Variants in IFNGR2 observed in about 807,000 individuals in gnomAD.
The protein encoded by IFNGR2 is interferon gamma receptor 2.
A neutral mutation model predicts 41.1 loss-of-function variants in IFNGR2; 15 were observed. The observed-to-expected ratio is 0.37, with a 90% confidence interval of 0.24 to 0.56. IFNGR2 has a LOEUF of 0.56. Ranked by LOEUF, IFNGR2 falls within the 20% of genes least tolerant of loss-of-function variation. IFNGR2 has a pLI of 0.81. For synonymous variants in IFNGR2, 161 were observed against 171.6 expected, an observed-to-expected ratio of 0.94 and a Z score of 0.48; for missense variants, 362 against 415.7, an observed-to-expected ratio of 0.87 and a Z score of 1.12.
chr21:33,425,582 C>G (rs778738499), intron 3 of IFNGR2, among the ~76,000 whole-genome samples: 7 of 152,230 alleles, frequency 4.6e-5, no homozygotes, highest in Non-Finnish European at 1.0e-4. Context: ...TTAGCTGGGA[C>G]AAGGGAAGCT....
chr21:33,419,762 GACTT>G (rs376935886), intron 2 of IFNGR2, among the ~76,000 whole-genome samples: 8 of 152,264 alleles, frequency 5.3e-5, no homozygotes, highest in Middle Eastern at 3.4e-3. Context: ...AAAGGGGATG[GACTT>G]ACTTAATGTT....
chr21:33,436,849 C>T lies in IFNGR2; in HGVS notation c.901C>T (p.Pro301Ser). 1.2e-6 allele frequency: 2 copies of T among 1,614,046 alleles called. No homozygotes were observed. The highest frequency in any genetic ancestry group is 2.7e-5 in the African/African-American group (2 of 75,062). Residue 301 changes from proline to serine, a missense_variant, in exon 7 of 7, where the codon CCC becomes TCC. Transcript: ENST00000290219. ...IEEYLKDPTQ[P>S]ILEALDKDSS... is the part of the protein sequence containing the mutation. Reference sequence around the variant, plus strand: ...CAAGTATTTAAAAGACCCAACTCAGCCCATCTTAGAGGCCTTGGACAAGGA... The same window carrying T: ...CAAGTATTTAAAAGACCCAACTCAGTCCATCTTAGAGGCCTTGGACAAGGA...
intron 2 of IFNGR2, among the ~76,000 whole-genome samples, chr21:33,420,023 G>C (rs1475204975): frequency 6.6e-6 from 1 of 152,132 alleles, no homozygotes; most frequent in Non-Finnish European, 1.5e-5. Flanking sequence ...GGAGAGGCTC[G>C]TGGTTTGCGA....
At chr21:33,411,058 A>G (rs2083712183) in intron 1 of IFNGR2, among the ~76,000 whole-genome samples, 1 of 152,268 alleles carries the variant, frequency 6.6e-6, no homozygotes, top group Non-Finnish European at 1.5e-5. Flanking sequence ...CAAAAAGGAC[A>G]GTCTTATCAC....
At chr21:33,409,297 G>A (rs943792753) in intron 1 of IFNGR2, among the ~76,000 whole-genome samples, 3 of 150,984 alleles carry the variant, frequency 2.0e-5, no homozygotes, top group Non-Finnish European at 2.9e-5. Context: ...GTGAAACCTC[G>A]TCTCTCCTAA....
chr21:33,425,076 T>C (rs1020433486), intron 3 of IFNGR2, among the ~76,000 whole-genome samples: 1 of 152,148 alleles, frequency 6.6e-6, no homozygotes, highest in East Asian at 1.9e-4. Flanking sequence ...TGCCCCACCA[T>C]GCCCAGCTAA....
intron 5 of IFNGR2, 77 bp downstream of exon 5, chr21:33,432,413 T>A: frequency 7.1e-7 from 1 of 1,398,900 alleles, no homozygotes. Flanking sequence ...GGAATGCTTA[T>A]GAGGTCATGG....
At chr21:33,407,854 C>CG (rs1261437799) in intron 1 of IFNGR2, among the ~76,000 whole-genome samples, 1 of 144,416 alleles carries the variant, frequency 6.9e-6, no homozygotes, top group East Asian at 2.0e-4. Flanking sequence ...GCACCCCCCC[C>CG]CGCCAACCCC....
intron 5 of IFNGR2, 133 bp from the exon 6 acceptor site, chr21:33,432,581 G>C: frequency 9.9e-7 from 1 of 1,009,068 alleles, no homozygotes; most frequent in Non-Finnish European, 1.6e-6. Context: ...TACCAGGTGA[G>C]GGTGGGGGGT....
intron 1 of IFNGR2, among the ~76,000 whole-genome samples, chr21:33,407,225 T>C (rs1601065680): frequency 6.6e-6 from 1 of 152,084 alleles, no homozygotes; most frequent in East Asian, 1.9e-4. Context: ...TGCCACAGAA[T>C]TTTTTATCAT....
chr21:33,411,420 A>G (rs751539937), intron 1 of IFNGR2: 26 of 470,706 alleles, frequency 5.5e-5, no homozygotes, highest in African/African-American at 4.8e-4. Flanking sequence ...GGAAGAAGAG[A>G]CTATTCCTGT....
chr21:33,436,709 G>C (rs2083955752), intron 6 of IFNGR2, 119 bp from the exon 7 acceptor site: 1 of 763,738 alleles, frequency 1.3e-6, no homozygotes, highest in African/African-American at 1.8e-5. Flanking sequence ...GCAAGAGTAA[G>C]ACTCCATCTC....
In IFNGR2 at chr21:33,410,529, C is replaced by T. The variant is rs1281507907; in HGVS notation, c.74-4359C>T. On this transcript the variant is annotated intron_variant, in intron 1 of 6. Coordinates refer to ENST00000290219, the MANE Select transcript of IFNGR2 (RefSeq NM_005534.4). Reference sequence around the variant, plus strand: ...TGTCGCCCAAGCTGGAGTGCAGTGGCGTGATCTCAGCTCATTGCAACCTCC... The same window carrying T: ...TGTCGCCCAAGCTGGAGTGCAGTGGTGTGATCTCAGCTCATTGCAACCTCC... Among the ~76,000 whole-genome samples the T allele has an allele frequency of 5.2e-5, 6 of 114,626 alleles. No homozygotes were observed. The East Asian group carries it at 7.4e-4, about 14-fold the overall frequency. The allele number at this position is 114,626 out of a possible 152,430, so 75.2% of individuals were successfully genotyped here. A position where few individuals can be genotyped will look rare whatever the true frequency, so the allele number is the denominator to read the frequency against.
At chr21:33,413,826 C>T (rs867297329) in intron 1 of IFNGR2, among the ~76,000 whole-genome samples, 80 of 61,744 alleles carry the variant, frequency 1.3e-3, no homozygotes, top group Admixed American at 2.1e-3. Context: ...GCCCCCTAAC[C>T]TTTTTTTTTT....
intron 1 of IFNGR2, among the ~76,000 whole-genome samples, chr21:33,404,132 C>T (rs1021663663): frequency 6.6e-6 from 1 of 152,258 alleles, no homozygotes; most frequent in African/African-American, 2.4e-5. Context: ...CTTTGCTGGC[C>T]ACTGGTTCTG....
intron 6 of IFNGR2, among the ~76,000 whole-genome samples, 163 bp downstream of exon 6, chr21:33,433,034 C>T (rs1170117727): frequency 6.6e-6 from 1 of 152,058 alleles, no homozygotes; most frequent in Admixed American, 6.6e-5. Flanking sequence ...TACAAGTGCT[C>T]ACCACCATGG....
Position 33,403,443 on chromosome 21 carries a change from C to G in IFNGR2, c.-101C>G, listed in dbSNP as rs2083655049. ...TCGGGAAGAGGCGGGCCCTGCGCGC[C>G]CTGCGCTCGCCATGGCGGTTTGGGC... On this transcript the variant is annotated 5_prime_UTR_variant, in exon 1 of 7. Coordinates refer to ENST00000290219, the MANE Select transcript of IFNGR2 (RefSeq NM_005534.4). The G allele has an allele frequency of 1.5e-6, 1 of 686,812 alleles. No homozygotes were observed. The highest frequency in any genetic ancestry group is 1.9e-6 in the Non-Finnish European group (1 of 537,532). The allele number at this position is 686,812 out of a possible 1,614,324, so 42.5% of individuals were successfully genotyped here. A position where few individuals can be genotyped will look rare whatever the true frequency, so the allele number is the denominator to read the frequency against.
chr21:33,411,197 C>T (rs774179812), intron 1 of IFNGR2, among the ~76,000 whole-genome samples: 8 of 152,230 alleles, frequency 5.3e-5, no homozygotes, highest in Non-Finnish European at 1.0e-4. Flanking sequence ...CTTGGGCCAT[C>T]TCTTACACCT....
intron 4 of IFNGR2, among the ~76,000 whole-genome samples, chr21:33,429,877 G>A (rs1167966052): frequency 2.0e-5 from 3 of 152,182 alleles, no homozygotes; most frequent in African/African-American, 4.8e-5. Flanking sequence ...GGTGGCTTAC[G>A]CCTGTAATCC....
Sources: allele counts gnomAD v4.1 joint callset (sites outside exome capture counted in the v4.1 genomes callset), GRCh38; gene constraint gnomAD v4.1.1; transcripts MANE v1.5; gene names NCBI Gene and HGNC (gene_info 2026-07-23, HGNC 2026-07-21).